Variants in MED27 observed in about 807,000 individuals in gnomAD.
MED27 encodes mediator of RNA polymerase II transcription subunit 27.
Under a neutral mutation model 38.2 loss-of-function variants are expected in MED27, and 30 were observed. The ratio of observed to expected loss-of-function variants is 0.79; its 90% CI spans 0.59 to 1.07. The LOEUF (loss-of-function observed/expected upper bound fraction) is 1.07, where lower values mean the gene tolerates loss of function less well. Among genes scored for constraint, MED27 ranks in the 50% least tolerant of loss-of-function variants. The pLI is 0.00. For synonymous variants in MED27, 122 were observed against 153.5 expected (o/e 0.79, Z 1.52); for missense variants, 289 against 397.5 (o/e 0.73, Z 2.32).
At chr9:131,915,460 G>A (rs768909592) in intron 4 of MED27, among the ~76,000 whole-genome samples, 15 of 152,074 alleles carry the variant, frequency 9.9e-5, no homozygotes, top group Non-Finnish European at 1.5e-4. Context: ...AACTAAAAAC[G>A]TAACTCAAGA....
At chr9:132,077,931 C>T (rs1834089678) in intron 1 of MED27, among the ~76,000 whole-genome samples, 1 of 152,162 alleles carries the variant, frequency 6.6e-6, no homozygotes, top group Admixed American at 6.5e-5. Context: ...TATAACACTG[C>T]CTCTCACTAA....
intron 4 of MED27, among the ~76,000 whole-genome samples, chr9:131,922,104 T>C (rs1830403062): frequency 1.3e-5 from 2 of 151,802 alleles, no homozygotes; most frequent in Non-Finnish European, 1.5e-5. Context: ...CACACCAGTG[T>C]GGCACATGTA....
intron 4 of MED27, among the ~76,000 whole-genome samples, chr9:131,894,379 C>CTATG (rs111403779): frequency 0.011 from 1,718 of 152,228 alleles, 32 homozygotes; most frequent in African/African-American, 0.039. Context: ...TTGTTTCGTG[C>CTATG]TCATGGCCCT....
intron 6 of MED27, among the ~76,000 whole-genome samples, chr9:131,879,660 C>A (rs1839000394): frequency 6.6e-6 from 1 of 152,204 alleles, no homozygotes; most frequent in Admixed American, 6.5e-5. Flanking sequence ...TGCTGCTCCC[C>A]AATGCACTTC....
At chr9:131,868,372 G>A (rs749987125) in intron 6 of MED27, among the ~76,000 whole-genome samples, 1 of 152,182 alleles carries the variant, frequency 6.6e-6, no homozygotes, top group African/African-American at 2.4e-5. Context: ...TTGACCTCCT[G>A]GACTCAAGCA....
chr9:131,940,206 A>G (rs1273525442), intron 3 of MED27, among the ~76,000 whole-genome samples: 2 of 151,848 alleles, frequency 1.3e-5, no homozygotes, highest in African/African-American at 4.8e-5. Context: ...TGCCCGGCCA[A>G]TTCCTTCTGT....
chr9:131,869,620 A>G (rs4504689), intron 6 of MED27, among the ~76,000 whole-genome samples: 132,878 of 152,184 alleles, frequency 0.87, 58,134 homozygotes, highest in African/African-American at 0.91. Context: ...AAAGGGATGC[A>G]AGCCCAAGGA....
intron 3 of MED27, among the ~76,000 whole-genome samples, chr9:131,966,802 C>T (rs1831360203): frequency 6.6e-6 from 1 of 152,162 alleles, no homozygotes; most frequent in South Asian, 2.1e-4. Context: ...GCTTCAGTTT[C>T]CTCCTTTACA....
chr9:132,076,854 C>G (rs1009854310), intron 2 of MED27, among the ~76,000 whole-genome samples: 1 of 152,222 alleles, frequency 6.6e-6, no homozygotes, highest in Non-Finnish European at 1.5e-5. Context: ...TTGCAACTTA[C>G]AGCTGTCCTA....
chr9:131,896,889 G>A (rs939057673), intron 4 of MED27, among the ~76,000 whole-genome samples: 6 of 152,090 alleles, frequency 3.9e-5, no homozygotes, highest in East Asian at 1.9e-4. Flanking sequence ...GCGCCACCAC[G>A]CCCAGCTAAT....
At chr9:131,930,710 A>G (rs1394012635) in intron 4 of MED27, among the ~76,000 whole-genome samples, 2 of 152,198 alleles carry the variant, frequency 1.3e-5, no homozygotes. Context: ...CACACAGAAA[A>G]ACACGTAATA....
chr9:131,863,216 C>G lies in MED27; in HGVS notation c.724-76G>C, dbSNP rs186347955. ...AGAAAACAAGCAGGACAAATGCACG[C>G]CTTCTGTGTGAAAACAGATCTGAGT... On this transcript the variant is annotated intron_variant, in intron 6 of 7. Coordinates refer to ENST00000292035, the MANE Select transcript of MED27 (RefSeq NM_004269.4). 488 of 1,186,544 alleles carry G rather than the reference C, an allele frequency of 4.1e-4. 2 individuals carry two copies. Among genetic ancestry groups the G allele is most frequent in the Non-Finnish European group, 5.7e-5 (46 of 801,936 alleles). 73.5% of individuals were successfully genotyped at this position (1,186,544 alleles called of 1,614,324 possible).
intron 5 of MED27, among the ~76,000 whole-genome samples, chr9:131,887,472 T>C (rs1411620719): frequency 6.6e-6 from 1 of 152,122 alleles, no homozygotes; most frequent in Admixed American, 6.5e-5. Flanking sequence ...GCACAGCAGG[T>C]GGTTCGTACT....
At chr9:132,035,652 T>C (rs1171142832) in intron 2 of MED27, among the ~76,000 whole-genome samples, 1 of 152,060 alleles carries the variant, frequency 6.6e-6, no homozygotes, top group Non-Finnish European at 1.5e-5. Context: ...ATGCAAATGA[T>C]CATCTCGACA....
intron 3 of MED27, among the ~76,000 whole-genome samples, chr9:131,978,149 A>G (rs1232606681): frequency 6.6e-6 from 1 of 152,224 alleles, no homozygotes; most frequent in Non-Finnish European, 1.5e-5. Context: ...AATCTACAGT[A>G]TAGACCAAGC....
intron 2 of MED27, among the ~76,000 whole-genome samples, chr9:132,053,244 C>T (rs1023248986): frequency 2.7e-5 from 4 of 147,786 alleles, no homozygotes; most frequent in Non-Finnish European, 6.0e-5. Context: ...CAGAGCGAGA[C>T]TCCCGTCTCA....
chr9:131,892,969 G>A (rs1273184459), intron 5 of MED27, among the ~76,000 whole-genome samples: 1 of 152,174 alleles, frequency 6.6e-6, no homozygotes, highest in Non-Finnish European at 1.5e-5. Context: ...GGAAATGCTG[G>A]GTTACTTGTT....
At chr9:132,002,108 G>C (rs1162790346) in intron 3 of MED27, among the ~76,000 whole-genome samples, 2 of 152,138 alleles carry the variant, frequency 1.3e-5, no homozygotes, top group Non-Finnish European at 2.9e-5. Flanking sequence ...CCTAAAGTGA[G>C]GACTGGCCCT....
chr9:131,980,717 T>C (rs1255685205), intron 3 of MED27, among the ~76,000 whole-genome samples: 3 of 150,818 alleles, frequency 2.0e-5, no homozygotes, highest in Non-Finnish European at 3.0e-5. Context: ...AAAAACTGTA[T>C]GGAAACATGA....
Sources: gnomAD v4.1 joint callset for allele counts (sites outside exome capture counted in the v4.1 genomes callset) on GRCh38, gnomAD v4.1.1 for gene constraint, MANE v1.5 for transcripts, NCBI Gene and HGNC (gene_info 2026-07-23, HGNC 2026-07-21) for gene names.